Variants in PTPRD observed in about 807,000 individuals in gnomAD.
The protein encoded by PTPRD is receptor-type tyrosine-protein phosphatase delta.
PTPRD carries 34 observed loss-of-function variants against 214.5 expected under a neutral mutation model. The observed-to-expected ratio is 0.16, with a 90% CI of 0.12 to 0.21. The LOEUF (loss-of-function observed/expected upper bound fraction) is 0.21, where lower values mean the gene tolerates loss of function less well. Ranked by LOEUF, PTPRD falls within the 10% of genes least tolerant of loss-of-function variation. The pLI is 1.00. For missense variants in PTPRD, 2,545 were observed against 2,398.7 expected (o/e 1.06, Z -1.27); for synonymous variants, 1,128 against 845.7 (o/e 1.33, Z -5.79).
intron 8 of PTPRD, among the ~76,000 whole-genome samples, chr9:9,419,232 C>A (rs1587882769): frequency 1.4e-5 from 2 of 143,998 alleles, no homozygotes; most frequent in African/African-American, 2.6e-5. Flanking sequence ...ATGACATATA[C>A]CTGGAAAATG....
chr9:8,751,668 C>G (rs944684976), intron 11 of PTPRD, among the ~76,000 whole-genome samples: 1 of 152,176 alleles, frequency 6.6e-6, no homozygotes, highest in Non-Finnish European at 1.5e-5. Flanking sequence ...TTATCTTTTA[C>G]ATTTCATCCC....
intron 3 of PTPRD, among the ~76,000 whole-genome samples, chr9:10,203,844 T>C (rs2099448274): frequency 6.6e-6 from 1 of 152,160 alleles, no homozygotes; most frequent in African/African-American, 2.4e-5. Flanking sequence ...TCTTAAGTTA[T>C]TAGATCACAC....
At chr9:9,531,917 C>A (rs1242394414) in intron 8 of PTPRD, among the ~76,000 whole-genome samples, 3 of 151,624 alleles carry the variant, frequency 2.0e-5, no homozygotes, top group Non-Finnish European at 4.4e-5. Flanking sequence ...ATATTAATGC[C>A]TTGATATAAA....
intron 12 of PTPRD, among the ~76,000 whole-genome samples, chr9:8,699,903 C>A (rs957310167): frequency 2.0e-5 from 3 of 152,134 alleles, no homozygotes; most frequent in African/African-American, 7.2e-5. Flanking sequence ...TAAACATGGC[C>A]ATTTTGTAGG....
In PTPRD at chr9:9,715,934, T is replaced by A. The variant is rs1451158125; in HGVS notation, c.-287+18599A>T. Among the ~76,000 whole-genome samples, 15 of 152,202 alleles carry A rather than the reference T, an allele frequency of 9.9e-5. 1 individual carries two copies. The highest frequency in any genetic ancestry group is 1.5e-5 in the Non-Finnish European group (1 of 68,042). On this transcript the variant is annotated intron_variant, in intron 7 of 45. Coordinates refer to ENST00000381196, the MANE Select transcript of PTPRD (RefSeq NM_002839.4). ...TAGTTACGTATGTATACATGTGCCATGCTGGTGCGCTGCACCCATTAACTC... is the reference window on the plus strand; with the variant it reads ...TAGTTACGTATGTATACATGTGCCAAGCTGGTGCGCTGCACCCATTAACTC...
At chr9:8,531,421 C>A (rs1017680176) in intron 14 of PTPRD, among the ~76,000 whole-genome samples, 4 of 152,032 alleles carry the variant, frequency 2.6e-5, no homozygotes, top group Admixed American at 1.3e-4. Flanking sequence ...ATACCACACA[C>A]GTTATGTTAT....
intron 10 of PTPRD, among the ~76,000 whole-genome samples, chr9:9,103,635 G>A (rs1569542674): frequency 6.6e-6 from 1 of 151,894 alleles, no homozygotes. Flanking sequence ...AATCAAAGAG[G>A]TGACAATGAA....
At chr9:9,315,087 G>T (rs983447009) in intron 9 of PTPRD, among the ~76,000 whole-genome samples, 1 of 151,930 alleles carries the variant, frequency 6.6e-6, no homozygotes, top group African/African-American at 2.4e-5. Flanking sequence ...TTGTCATTTA[G>T]AATTTTCATT....
Position 8,500,970 on chromosome 9 carries a change from G to GT in PTPRD, c.1911dup (p.Gln638ThrfsTer7). ...GAGTATTCAGTGATAATGCCATTCT[G>GT]TTTTTCCACTGGTGGAGGTTGCCAA... is the stretch of plus-strand genomic sequence containing the variant. On this transcript the variant is annotated frameshift_variant, in exon 24 of 46. Coordinates refer to ENST00000381196, the MANE Select transcript of PTPRD (RefSeq NM_002839.4). LOFTEE classifies it high-confidence loss of function. 1 of 1,614,118 alleles carries GT rather than the reference G, an allele frequency of 6.2e-7. No homozygotes were observed. Among genetic ancestry groups the GT allele is most frequent in the Non-Finnish European group, 8.5e-7 (1 of 1,180,006 alleles).
Position 9,577,327 on chromosome 9 carries a change from G to A in PTPRD, c.-286-2546C>T, listed in dbSNP as rs187337284. Among the ~76,000 whole-genome samples, 569 of 152,250 alleles carry A rather than the reference G, an allele frequency of 3.7e-3. 4 individuals are homozygous for A. Among genetic ancestry groups the A allele is most frequent in the Non-Finnish European group, 6.0e-3 (408 of 68,018 alleles). The stretch of plus-strand genomic sequence containing the variant: ...GTCTGTAACCTCAGCACTTTGGGAG[G>A]CTGAGGCAAGCAGATTGCTTGAGCC... On this transcript the variant is annotated intron_variant, in intron 7 of 45. Coordinates refer to ENST00000381196, the MANE Select transcript of PTPRD (RefSeq NM_002839.4).
intron 5 of PTPRD, among the ~76,000 whole-genome samples, chr9:9,932,295 T>G (rs1282075801): frequency 2.0e-5 from 3 of 146,866 alleles, no homozygotes; most frequent in Non-Finnish European, 3.0e-5. Flanking sequence ...CGGGAGGACA[T>G]TCAAACCAAA....
chr9:10,362,870 A>G (rs1255822365), intron 2 of PTPRD, among the ~76,000 whole-genome samples: 1 of 152,184 alleles, frequency 6.6e-6, no homozygotes, highest in East Asian at 1.9e-4. Context: ...ACAGAGTGAG[A>G]CTTCATCTCA....
rs531033512 is a variant in PTPRD, at chr9:10,100,078, T to C, written c.-544-66288A>G. ...AACCTTAATGAGTAACATTATTAAC[T>C]GTTCTTCCATAGGATATGTTTTGAG... On this transcript the variant is annotated intron_variant, in intron 3 of 45. Transcript: ENST00000381196. 4.0e-5 allele frequency among the ~76,000 whole-genome samples: 6 copies of C among 151,814 alleles called. No individual in the cohort carries two copies. In the South Asian group the frequency reaches 1.2e-3, roughly 31 times the overall value.
chr9:9,088,565 G>T (rs963586218), intron 10 of PTPRD, among the ~76,000 whole-genome samples: 8 of 111,734 alleles, frequency 7.2e-5, no homozygotes, highest in Non-Finnish European at 8.5e-5. Flanking sequence ...GGGCGACAGA[G>T]TGAGACTTAG....
chr9:8,639,772 G>A (rs957500029), intron 12 of PTPRD, among the ~76,000 whole-genome samples: 3 of 152,256 alleles, frequency 2.0e-5, no homozygotes, highest in Non-Finnish European at 4.4e-5. Flanking sequence ...GGAAATAACT[G>A]GTGGGTGAGG....
chr9:10,423,386 A>C (rs2098569843), intron 2 of PTPRD, among the ~76,000 whole-genome samples: 1 of 152,024 alleles, frequency 6.6e-6, no homozygotes, highest in Non-Finnish European at 1.5e-5. Context: ...GCAAACCAAC[A>C]TGGCACATGT....
intron 8 of PTPRD, among the ~76,000 whole-genome samples, chr9:9,401,601 CTTATT>C (rs2141371186): frequency 2.6e-5 from 1 of 38,318 alleles, no homozygotes; most frequent in African/African-American, 1.3e-4. Context: ...AATGTTATAT[CTTATT>C]TTTTTTTTTT....
At chr9:8,540,066 G>A (rs2078012923) in intron 14 of PTPRD, among the ~76,000 whole-genome samples, 1 of 152,008 alleles carries the variant, frequency 6.6e-6, no homozygotes, top group African/African-American at 2.4e-5. Context: ...CATCATGTCG[G>A]CAATTAACTC....
intron 10 of PTPRD, among the ~76,000 whole-genome samples, chr9:9,056,626 A>G (rs2099696727): frequency 6.6e-6 from 1 of 152,168 alleles, no homozygotes; most frequent in South Asian, 2.1e-4. Flanking sequence ...TCCTAGGACC[A>G]TTTCACTTTC....
Sources: allele counts gnomAD v4.1 joint callset (sites outside exome capture counted in the v4.1 genomes callset), GRCh38; gene constraint gnomAD v4.1.1; transcripts MANE v1.5; gene names NCBI Gene and HGNC (gene_info 2026-07-23, HGNC 2026-07-21).